RBFOX1: variants seen among roughly 807,000 people sequenced by gnomAD.
RBFOX1 encodes RNA binding protein fox-1 homolog 1.
RBFOX1 carries 8 observed loss-of-function variants against 57.7 expected under a neutral mutation model. The observed-to-expected ratio is 0.14, with a 90% CI of 0.08 to 0.25. RBFOX1 has a LOEUF of 0.25. Ranked by LOEUF, RBFOX1 falls within the 10% of genes least tolerant of loss-of-function variation. The pLI is 1.00. For missense variants in RBFOX1, 611 were observed against 548.5 expected, an observed-to-expected ratio of 1.11 and a Z score of -1.14; for synonymous variants, 326 against 222.4, an observed-to-expected ratio of 1.47 and a Z score of -4.15.
At chr16:7,163,086 G>A (rs2078714847) in intron 4 of RBFOX1, among the ~76,000 whole-genome samples, 1 of 152,122 alleles carries the variant, frequency 6.6e-6, no homozygotes, top group Non-Finnish European at 1.5e-5. Flanking sequence ...AAGCACAGTA[G>A]GGCACCCATA....
intron 3 of RBFOX1, among the ~76,000 whole-genome samples, chr16:6,880,913 G>C (rs7185031): frequency 0.25 from 37,698 of 152,124 alleles, 4,846 homozygotes; most frequent in African/African-American, 0.31. Context: ...AGCTTGAGCA[G>C]AGTGACAAAA....
At chr16:6,949,150 C>A (rs7194835) in intron 3 of RBFOX1, among the ~76,000 whole-genome samples, 1 of 151,980 alleles carries the variant, frequency 6.6e-6, no homozygotes, top group Non-Finnish European at 1.5e-5. Context: ...GTAACTGATG[C>A]CTTCCCCCAC....
intron 2 of RBFOX1, among the ~76,000 whole-genome samples, chr16:5,493,644 C>A (rs1444740832): frequency 6.6e-6 from 1 of 152,206 alleles, no homozygotes; most frequent in Non-Finnish European, 1.5e-5. Flanking sequence ...CAATACCGAT[C>A]TGTCAAGATT....
chr16:7,196,762 G>A (rs879578811), intron 4 of RBFOX1, among the ~76,000 whole-genome samples: 3 of 152,268 alleles, frequency 2.0e-5, no homozygotes, highest in South Asian at 4.1e-4. Flanking sequence ...AAGAAGGGAA[G>A]CCTGGGCAGG....
rs568505860 is a variant in RBFOX1, at chr16:6,176,616, C to T, written c.-126-140379C>T. ...TGGTGTCTAACACATGGTAAGGGTG[C>T]AGTAAATGTCAGTTGTAATAACAAT... On this transcript the variant is annotated intron_variant, in intron 1 of 15. Transcript: ENST00000550418. 3.9e-5 allele frequency among the ~76,000 whole-genome samples: 6 copies of T among 151,976 alleles called. No homozygotes were observed. The South Asian group carries it at 1.2e-3, about 32-fold the overall frequency.
At chr16:5,562,889 C>T (rs997006399) in intron 2 of RBFOX1, among the ~76,000 whole-genome samples, 2 of 152,136 alleles carry the variant, frequency 1.3e-5, no homozygotes, top group East Asian at 1.9e-4. Context: ...TTCATACTGC[C>T]GCTGTCTCAG....
intron 4 of RBFOX1, among the ~76,000 whole-genome samples, chr16:7,329,876 C>G (rs1018490604): frequency 1.3e-5 from 2 of 152,136 alleles, no homozygotes; most frequent in Middle Eastern, 3.2e-3. Context: ...TAATATATCT[C>G]TTATTTCTAT....
At chr16:5,464,190 G>A (rs113997229) in intron 1 of RBFOX1, among the ~76,000 whole-genome samples, 40 of 152,308 alleles carry the variant, frequency 2.6e-4, no homozygotes, top group African/African-American at 8.4e-4. Context: ...TAATGTCTGT[G>A]GGACACCCAT....
chr16:7,225,307 A>T (rs1466144047), intron 4 of RBFOX1, among the ~76,000 whole-genome samples: 2 of 152,036 alleles, frequency 1.3e-5, no homozygotes, highest in Non-Finnish European at 2.9e-5. Context: ...ACTTGATGGG[A>T]GATAGCCGAA....
chr16:5,515,899 A>G (rs1446210516), intron 2 of RBFOX1, among the ~76,000 whole-genome samples: 1 of 152,214 alleles, frequency 6.6e-6, no homozygotes, highest in African/African-American at 2.4e-5. Flanking sequence ...TCACAGTAAC[A>G]CAATGAGGTA....
In RBFOX1 at chr16:7,408,806, G is replaced by A. The variant is rs893909226; in HGVS notation, c.28-109341G>A. Among the ~76,000 whole-genome samples the A allele has an allele frequency of 5.3e-5, 8 of 152,058 alleles. No individual in the cohort carries two copies. In the South Asian group the frequency reaches 1.0e-3, roughly 20 times the overall value. On this transcript the variant is annotated intron_variant, in intron 4 of 15. Coordinates refer to ENST00000550418, the MANE Select transcript of RBFOX1 (RefSeq NM_018723.4). ...CCCTCCTTGTTGTGTTGTTACTACC[G>A]AAAATGTCTCCAGATACTGCCATTG...
At chr16:5,626,159 C>T (rs1214271956) in intron 3 of RBFOX1, among the ~76,000 whole-genome samples, 2 of 152,176 alleles carry the variant, frequency 1.3e-5, no homozygotes, top group African/African-American at 4.8e-5. Flanking sequence ...GGATTACAGG[C>T]GTGAGCCACC....
At chr16:5,511,672 A>G (rs2043598431) in intron 2 of RBFOX1, among the ~76,000 whole-genome samples, 1 of 152,206 alleles carries the variant, frequency 6.6e-6, no homozygotes, top group South Asian at 2.1e-4. Context: ...AGAGAGTTAA[A>G]GCAACTAGCC....
At chr16:6,043,715 C>A (rs72772816) in intron 1 of RBFOX1, among the ~76,000 whole-genome samples, 19,366 of 152,122 alleles carry the variant, frequency 0.13, 1,494 homozygotes, top group African/African-American at 0.21. Flanking sequence ...GCTCTTTTCC[C>A]AGGAAGCCAG....
intron 3 of RBFOX1, among the ~76,000 whole-genome samples, chr16:5,775,303 TTTCCCTC>T (rs1212486768): frequency 1.3e-5 from 2 of 152,158 alleles, no homozygotes; most frequent in African/African-American, 4.8e-5. Context: ...ACACCTTTCT[TTTCCCTC>T]TTCCCTCTTC....
chr16:5,475,938 G>A (rs1039262806), intron 2 of RBFOX1, among the ~76,000 whole-genome samples: 1 of 152,128 alleles, frequency 6.6e-6, no homozygotes, highest in African/African-American at 2.4e-5. Flanking sequence ...CCAAAGTGTG[G>A]CTCTAGCTCT....
chr16:7,110,822 G>A (rs1484901865), intron 4 of RBFOX1, among the ~76,000 whole-genome samples: 1 of 152,154 alleles, frequency 6.6e-6, no homozygotes, highest in African/African-American at 2.4e-5. Flanking sequence ...TGGAATGTCT[G>A]TCTATATTTA....
At chr16:6,685,145 T>C (rs1382170637) in intron 3 of RBFOX1, among the ~76,000 whole-genome samples, 1 of 152,182 alleles carries the variant, frequency 6.6e-6, no homozygotes, top group African/African-American at 2.4e-5. Flanking sequence ...CTGTCACCTT[T>C]TATATTCCAT....
intron 3 of RBFOX1, among the ~76,000 whole-genome samples, chr16:6,979,428 C>T (rs1008202368): frequency 6.6e-6 from 1 of 152,162 alleles, no homozygotes; most frequent in African/African-American, 2.4e-5. Flanking sequence ...GAAGAAAGTC[C>T]TTTGAACAGA....
Sources: gnomAD v4.1 joint callset for allele counts (sites outside exome capture counted in the v4.1 genomes callset) on GRCh38, gnomAD v4.1.1 for gene constraint, MANE v1.5 for transcripts, NCBI Gene and HGNC (gene_info 2026-07-23, HGNC 2026-07-21) for gene names.